Variants in KIF13B observed in about 807,000 individuals in gnomAD.
KIF13B encodes the protein kinesin family member 13B.
KIF13B carries 127 observed loss-of-function variants against 222.0 expected under a neutral mutation model. The observed-to-expected ratio is 0.57, with a 90% CI of 0.50 to 0.66. KIF13B has a LOEUF of 0.66. Among genes scored for constraint, KIF13B ranks in the 30% least tolerant of loss-of-function variants. KIF13B has a pLI of 0.00. For synonymous variants in KIF13B, 976 were observed against 919.0 expected (o/e 1.06, Z -1.12); for missense variants, 2,173 against 2,379.0 (o/e 0.91, Z 1.80).
rs748428969 is a variant in KIF13B, at chr8:29,140,521, A to T, written c.2431T>A (p.Phe811Ile). ...GCGTATTGTAACTTCACATCATAGAAAAGTGACTCGAGGAAGACATTGGCC... is the reference window on the plus strand; with the variant it reads ...GCGTATTGTAACTTCACATCATAGATAAGTGACTCGAGGAAGACATTGGCC... ...GVANVFLESL[F>I]YDVKLQYAVP... The change falls in exon 20 of 40, where the codon TTC becomes ATC. Residue 811 changes from phenylalanine to isoleucine, a missense_variant. Phe to Ile is a conservative substitution (Grantham distance 21). Coordinates refer to ENST00000524189, the MANE Select transcript of KIF13B (RefSeq NM_015254.4). 5 of 1,613,876 alleles carry T rather than the reference A, an allele frequency of 3.1e-6. No homozygotes were observed. The highest frequency in any genetic ancestry group is 1.7e-5 in the Admixed American group (1 of 60,002).
chr8:29,135,314 G>A (rs1008996683), intron 21 of KIF13B, among the ~76,000 whole-genome samples: 11 of 152,036 alleles, frequency 7.2e-5, no homozygotes, highest in African/African-American at 2.7e-4. Flanking sequence ...CAAAATACTG[G>A]GATTATAGAC....
chr8:29,091,375 G>T (rs374881328), intron 37 of KIF13B, among the ~76,000 whole-genome samples: 1 of 152,128 alleles, frequency 6.6e-6, no homozygotes, highest in South Asian at 2.1e-4. Context: ...GGCTGACTCC[G>T]TGACTTCCAA....
chr8:29,234,080 G>GA (rs1815400702), intron 2 of KIF13B, among the ~76,000 whole-genome samples: 1 of 152,120 alleles, frequency 6.6e-6, no homozygotes, highest in South Asian at 2.1e-4. Flanking sequence ...ATAAGCTAAA[G>GA]AAAAAACTGA....
chr8:29,210,290 A>G (rs1278516372), intron 2 of KIF13B, among the ~76,000 whole-genome samples: 1 of 152,216 alleles, frequency 6.6e-6, no homozygotes, highest in Non-Finnish European at 1.5e-5. Flanking sequence ...AATTCCAGAT[A>G]CCATTCCAGA....
intron 10 of KIF13B, among the ~76,000 whole-genome samples, chr8:29,172,346 T>C (rs979022452): frequency 2.0e-5 from 3 of 152,088 alleles, no homozygotes; most frequent in Non-Finnish European, 4.4e-5. Flanking sequence ...CCTCCCAGAG[T>C]GCAGGGATTA....
chr8:29,232,256 C>T (rs930815175), intron 2 of KIF13B, among the ~76,000 whole-genome samples: 1 of 151,530 alleles, frequency 6.6e-6, no homozygotes, highest in South Asian at 2.1e-4. Context: ...GAGTGAGACT[C>T]TGACTAAAAA....
Position 29,071,537 on chromosome 8 carries a change from C to T in KIF13B, c.5218+83G>A. The T allele has an allele frequency of 7.8e-7, 1 of 1,289,406 alleles. No individual in the cohort carries two copies. Among genetic ancestry groups the T allele is most frequent in the Non-Finnish European group, 1.1e-6 (1 of 924,230 alleles). 79.9% of individuals were successfully genotyped at this position (1,289,406 alleles called of 1,614,324 possible). On this transcript the variant is annotated intron_variant, in intron 39 of 39. Transcript: ENST00000524189. The surrounding 1 kb of genome is among the most constrained non-coding windows in gnomAD (Gnocchi z 4.9). ...CCGGCCCCTCCCTCTCCTGCCCGGA[C>T]CCTGTCCCCTCCCAGGCCGGCCACG...
chr8:29,092,893 G>T lies in KIF13B; in HGVS notation c.4325-15C>A. On this transcript the variant is annotated splice_polypyrimidine_tract_variant and intron_variant, in intron 36 of 39. Coordinates refer to ENST00000524189, the MANE Select transcript of KIF13B (RefSeq NM_015254.4). ...GTTACTGAGTCCTGCCCATATTACAGGGGAAAAAGATAAAACAAATACAAT... is the reference window on the plus strand; with the variant it reads ...GTTACTGAGTCCTGCCCATATTACATGGGAAAAAGATAAAACAAATACAAT... The T allele has an allele frequency of 1.3e-6, 2 of 1,591,098 alleles. No homozygotes were observed. The highest frequency in any genetic ancestry group is 1.8e-5 in the Admixed American group (1 of 56,110).
At chr8:29,242,337 C>A (rs1241272935) in intron 2 of KIF13B, among the ~76,000 whole-genome samples, 1 of 152,156 alleles carries the variant, frequency 6.6e-6, no homozygotes, top group Non-Finnish European at 1.5e-5. Flanking sequence ...TGTTTTATTA[C>A]AATCTCACCA....
At chr8:29,144,508 T>C (rs1271562164) in intron 18 of KIF13B, among the ~76,000 whole-genome samples, 1 of 152,168 alleles carries the variant, frequency 6.6e-6, no homozygotes, top group Non-Finnish European at 1.5e-5. Flanking sequence ...TCCGCCCACC[T>C]TGTCCTCCCA....
rs777901545 is a variant in KIF13B, at chr8:29,099,236, C to T, written c.4221G>A (p.Arg1407=). ...PSYSLGSNKG[R]WESQQDVSQT... is the part of the protein sequence containing the mutation. Reference sequence around the variant, plus strand: ...GGGATACATCCTGCTGACTTTCCCACCGGCCCTAGTAAAGACAAAATTGGC... The same window carrying T: ...GGGATACATCCTGCTGACTTTCCCATCGGCCCTAGTAAAGACAAAATTGGC... The change falls in exon 36 of 40, where the codon CGG becomes CGA. Residue 1407 remains arginine, a synonymous_variant. Coordinates refer to ENST00000524189, the MANE Select transcript of KIF13B (RefSeq NM_015254.4). 1.2e-6 allele frequency: 2 copies of T among 1,609,350 alleles called. No individual in the cohort carries two copies. The highest frequency in any genetic ancestry group is 1.7e-6 in the Non-Finnish European group (2 of 1,177,478).
At chr8:29,213,114 T>A (rs980304468) in intron 2 of KIF13B, among the ~76,000 whole-genome samples, 1 of 152,140 alleles carries the variant, frequency 6.6e-6, no homozygotes, top group Non-Finnish European at 1.5e-5. Flanking sequence ...GGATCCTAAG[T>A]AGTCACTTAA....
intron 2 of KIF13B, among the ~76,000 whole-genome samples, chr8:29,241,706 G>GAAAA (rs75531371): frequency 1.0e-5 from 1 of 96,692 alleles, no homozygotes. Flanking sequence ...GCAAGGGAGG[G>GAAAA]AAAAAAAAAA....
Position 29,191,073 on chromosome 8 carries a change from A to AT in KIF13B, c.163-17dup. ...AAGCAAACACCTGTTGAAAATGAAC[A>AT]TAAGTGTGTGTTAAGAAAACCTCAA... On this transcript the variant is annotated splice_polypyrimidine_tract_variant and intron_variant, in intron 3 of 39. Transcript: ENST00000524189. 6.3e-7 allele frequency: 1 copy of AT among 1,594,132 alleles called. No homozygotes were observed. Among genetic ancestry groups the AT allele is most frequent in the Non-Finnish European group, 8.6e-7 (1 of 1,167,374 alleles).
Position 29,069,812 on chromosome 8 carries a change from C to A in KIF13B, c.*692G>T, listed in dbSNP as rs552080022. ...ATAAACGGCAAACATAAGAGACTTT[C>A]CAGGTGTCTAAAGATGCCAAAACAT... On this transcript the variant is annotated 3_prime_UTR_variant, in exon 40 of 40. Coordinates refer to ENST00000524189, the MANE Select transcript of KIF13B (RefSeq NM_015254.4). 1 of 152,238 alleles carries A rather than the reference C, an allele frequency of 6.6e-6. No individual in the cohort carries two copies. Among genetic ancestry groups the A allele is most frequent in the Non-Finnish European group, 1.5e-5 (1 of 68,062 alleles). The allele number at this position is 152,238 out of a possible 1,614,324, so 9.4% of individuals were successfully genotyped here.
At position 29,237,503 on chromosome 8, in the gene KIF13B, T is replaced by G. The variant is rs148438431; in HGVS notation, c.149+7843A>C. Among the ~76,000 whole-genome samples the G allele has an allele frequency of 2.7e-3, 417 of 152,146 alleles. 1 individual carries two copies. The highest frequency in any genetic ancestry group is 9.5e-3 in the African/African-American group (396 of 41,492). ...TGAGTCCACATATCAAATGTTAGTA[T>G]CCAGGTAGTAATTCAAGCACAGAGC... On this transcript the variant is annotated intron_variant, in intron 2 of 39. Coordinates refer to ENST00000524189, the MANE Select transcript of KIF13B (RefSeq NM_015254.4).
chr8:29,087,743 G>A (rs955967179), intron 37 of KIF13B, among the ~76,000 whole-genome samples: 4 of 152,054 alleles, frequency 2.6e-5, no homozygotes, highest in Admixed American at 6.5e-5. Flanking sequence ...AAGCACCCTG[G>A]CGAGACAACT....
intron 1 of KIF13B, among the ~76,000 whole-genome samples, chr8:29,253,613 G>T (rs934646728): frequency 1.3e-5 from 2 of 151,542 alleles, no homozygotes. Context: ...TAAGAAACAG[G>T]TATTTAAAAA....
chr8:29,211,194 A>T (rs1195181936), intron 2 of KIF13B, among the ~76,000 whole-genome samples: 2 of 152,220 alleles, frequency 1.3e-5, no homozygotes, highest in African/African-American at 4.8e-5. Flanking sequence ...CGGAGAGGGC[A>T]CTTGTTTCCA....
Sources: gnomAD v4.1 joint callset for allele counts (sites outside exome capture counted in the v4.1 genomes callset) on GRCh38, gnomAD v4.1.1 for gene constraint, Gnocchi (gnomAD v3.1) non-coding constraint, MANE v1.5 for transcripts, NCBI Gene and HGNC (gene_info 2026-07-23, HGNC 2026-07-21) for gene names.